CGNL1: variants seen among roughly 807,000 people sequenced by gnomAD.
The protein encoded by CGNL1 is cingulin-like protein 1.
A neutral mutation model predicts 141.2 loss-of-function variants in CGNL1; 132 were observed. That is an observed-to-expected ratio of 0.93 (90% CI 0.81 to 1.08). The LOEUF (loss-of-function observed/expected upper bound fraction) is 1.08. CGNL1 is among the 50% of genes least tolerant of loss of function. The pLI is 0.00. For missense variants in CGNL1, 1,870 were observed against 1,588.6 expected (o/e 1.18, Z -3.01); for synonymous variants, 690 against 622.1 (o/e 1.11, Z -1.63).
intron 1 of CGNL1, among the ~76,000 whole-genome samples, chr15:57,378,498 C>A (rs922171498): frequency 6.0e-5 from 9 of 150,830 alleles, no homozygotes; most frequent in African/African-American, 2.2e-4. Flanking sequence ...TCTCCTGCCT[C>A]AGCCTCCCAA....
chr15:57,484,486 T>G (rs142692760), intron 8 of CGNL1, among the ~76,000 whole-genome samples: 62 of 152,202 alleles, frequency 4.1e-4, no homozygotes, highest in African/African-American at 1.4e-3. Flanking sequence ...TTTGTCAGTC[T>G]TACCAGAAGT....
intron 1 of CGNL1, chr15:57,405,032 A>C (rs1285992560): frequency 5.9e-5 from 9 of 152,204 alleles, no homozygotes; most frequent in African/African-American, 2.2e-4. Context: ...GTGAATCAAC[A>C]AAGCCACATT....
At chr15:57,414,869 T>C (rs1307249538) in intron 1 of CGNL1, among the ~76,000 whole-genome samples, 2 of 152,224 alleles carry the variant, frequency 1.3e-5, no homozygotes, top group Non-Finnish European at 2.9e-5. Flanking sequence ...AACTCTCATA[T>C]ATTGCATTGT....
intron 9 of CGNL1, among the ~76,000 whole-genome samples, chr15:57,517,821 T>C (rs1180707803): frequency 1.3e-5 from 2 of 152,172 alleles, no homozygotes; most frequent in Admixed American, 6.5e-5. Flanking sequence ...TCCCACCTTT[T>C]CATATCATTA....
intron 8 of CGNL1, among the ~76,000 whole-genome samples, chr15:57,481,068 T>TTTTTTTG (rs2063719711): frequency 6.6e-6 from 1 of 150,704 alleles, no homozygotes; most frequent in Non-Finnish European, 1.5e-5. Context: ...CCTGGGGTTT[T>TTTTTTTG]TTTTTTTTTT....
At chr15:57,543,568 C>T (rs78743802) in intron 14 of CGNL1, 128 bp from the exon 15 acceptor site, 19 of 745,146 alleles carry the variant, frequency 2.5e-5, no homozygotes, top group Non-Finnish European at 3.7e-5. Flanking sequence ...GCAGATGGCA[C>T]GAGGGGCTGG....
At chr15:57,547,227 T>C (rs1163338139) in intron 18 of CGNL1, 128 bp from the exon 19 acceptor site, 1 of 1,018,450 alleles carries the variant, frequency 9.8e-7, no homozygotes, top group Non-Finnish European at 1.5e-6. Context: ...CCTGTTACAT[T>C]CATGTGTTTC....
Position 57,432,667 on chromosome 15 carries a change from A to C in CGNL1, c.-15-5318A>C, listed in dbSNP as rs76828313. On this transcript the variant is annotated intron_variant, in intron 1 of 18. Coordinates refer to ENST00000281282, the MANE Select transcript of CGNL1 (RefSeq NM_032866.5). ...TGCATTAGGATTGTAAACGTGGCCC[A>C]GTGCCTGGAAGTGGAGAACAGCTGT... Among the ~76,000 whole-genome samples, 1,075 of 152,334 alleles carry C rather than the reference A, an allele frequency of 7.1e-3. 13 individuals are homozygous for C. Among genetic ancestry groups the C allele is most frequent in the African/African-American group, 0.024 (1,000 of 41,566 alleles).
chr15:57,543,824 A>G, intron 15 of CGNL1, 45 bp downstream of exon 15: 2 of 1,418,540 alleles, frequency 1.4e-6, no homozygotes, highest in Non-Finnish European at 2.0e-6. Context: ...CCATCCGCTA[A>G]CCCTCCCCCA....
rs371446892 is a variant in CGNL1, at chr15:57,510,678, T to C, written c.2404-6102T>C. 3.3e-5 allele frequency among the ~76,000 whole-genome samples: 5 copies of C among 152,172 alleles called. No individual in the cohort carries two copies. In the East Asian group the frequency reaches 9.6e-4, roughly 29 times the overall value. The stretch of plus-strand genomic sequence containing the variant: ...CATTTATAATGGAAAAACCCAAGCC[T>C]TGAAAGCAGTTCTTCGCAGTCCCTT... On this transcript the variant is annotated intron_variant, in intron 8 of 18. Coordinates refer to ENST00000281282, the MANE Select transcript of CGNL1 (RefSeq NM_032866.5).
intron 11 of CGNL1, 109 bp downstream of exon 11, chr15:57,523,750 C>A: frequency 8.6e-7 from 1 of 1,168,396 alleles, no homozygotes; most frequent in Non-Finnish European, 1.2e-6. Flanking sequence ...GGTCTAAGCA[C>A]AAAAGTGTCA....
chr15:57,474,794 G>A (rs565988587), intron 8 of CGNL1, among the ~76,000 whole-genome samples: 30 of 152,348 alleles, frequency 2.0e-4, no homozygotes, highest in African/African-American at 7.2e-4. Context: ...CTGGGGATAT[G>A]TAGGGGGATG....
At chr15:57,508,759 C>T (rs1306697146) in intron 8 of CGNL1, among the ~76,000 whole-genome samples, 2 of 152,194 alleles carry the variant, frequency 1.3e-5, no homozygotes, top group African/African-American at 4.8e-5. Flanking sequence ...CCTCACTACT[C>T]GAAGGGGTAT....
At chr15:57,414,683 C>CAACAACAAAG (rs2062829202) in intron 1 of CGNL1, among the ~76,000 whole-genome samples, 1 of 80,412 alleles carries the variant, frequency 1.2e-5, no homozygotes, top group African/African-American at 4.1e-5. Context: ...CAACAACAAA[C>CAACAACAAAG]CAACAAAAAC....
chr15:57,485,864 A>T (rs2063778870), intron 8 of CGNL1, among the ~76,000 whole-genome samples: 1 of 152,166 alleles, frequency 6.6e-6, no homozygotes, highest in South Asian at 2.1e-4. Flanking sequence ...AGCTCTCCAG[A>T]TGCTGATTTA....
At chr15:57,534,884 T>G (rs2032167269) in intron 14 of CGNL1, among the ~76,000 whole-genome samples, 2 of 152,244 alleles carry the variant, frequency 1.3e-5, no homozygotes, top group Admixed American at 1.3e-4. Flanking sequence ...AGGTTCAAAC[T>G]TAACAGCTTT....
intron 14 of CGNL1, among the ~76,000 whole-genome samples, chr15:57,540,378 C>A (rs8025786): frequency 0.12 from 18,965 of 152,150 alleles, 1,483 homozygotes; most frequent in Admixed American, 0.17. Context: ...GCAAAAGAGA[C>A]CATGTGCAGG....
intron 1 of CGNL1, among the ~76,000 whole-genome samples, chr15:57,380,629 A>C (rs2062414040): frequency 6.6e-6 from 1 of 152,066 alleles, no homozygotes; most frequent in South Asian, 2.1e-4. Flanking sequence ...CAAATGACTG[A>C]TTTTGGAAAT....
chr15:57,453,600 A>G, intron 6 of CGNL1, 83 bp from the exon 7 acceptor site: 1 of 1,553,128 alleles, frequency 6.4e-7, no homozygotes, highest in Non-Finnish European at 8.7e-7. Flanking sequence ...GACTTGTGTA[A>G]CCCTCTGAAG....
Sources: gnomAD v4.1 joint callset for allele counts (sites outside exome capture counted in the v4.1 genomes callset) on GRCh38, gnomAD v4.1.1 for gene constraint, MANE v1.5 for transcripts, NCBI Gene and HGNC (gene_info 2026-07-23, HGNC 2026-07-21) for gene names.